ZC3H13: variants seen among roughly 807,000 people sequenced by gnomAD.
ZC3H13 encodes the protein zinc finger CCCH domain-containing protein 13.
A neutral mutation model predicts 204.1 loss-of-function variants in ZC3H13; 64 were observed. That is an observed-to-expected ratio of 0.31 (90% confidence interval 0.26 to 0.39). The LOEUF (loss-of-function observed/expected upper bound fraction) is 0.39. Among genes scored for constraint, ZC3H13 ranks in the 10% least tolerant of loss-of-function variants. ZC3H13 has a pLI of 1.00. For synonymous variants in ZC3H13, 667 were observed against 693.7 expected, an observed-to-expected ratio of 0.96 and a Z score of 0.60; for missense variants, 1,833 against 2,082.7, an observed-to-expected ratio of 0.88 and a Z score of 2.33.
At chr13:46,035,108 T>A (rs1364163927) in intron 4 of ZC3H13, among the ~76,000 whole-genome samples, 1 of 152,106 alleles carries the variant, frequency 6.6e-6, no homozygotes, top group Non-Finnish European at 1.5e-5. Context: ...TGTGCATGTG[T>A]CTCAGAATAC....
In ZC3H13 at chr13:45,963,716, A is replaced by C. The variant is rs1951858283; in HGVS notation, c.4675+126T>G. ...CCATGAGGGTTAAATAATGATTATA[A>C]AATGATTTCTCAAAAAATAGTTTCT... On this transcript the variant is annotated intron_variant, in intron 17 of 18. Transcript: ENST00000679008. 29 of 1,500,054 alleles carry C rather than the reference A, an allele frequency of 1.9e-5. No individual in the cohort carries two copies. In the South Asian group the frequency reaches 4.1e-4, roughly 21 times the overall value. 92.9% of individuals were successfully genotyped at this position (1,500,054 alleles called of 1,614,324 possible).
rs763114166 is a variant in ZC3H13 at position 45,965,438 on chromosome 13, T to C, written c.4322-6A>G. On this transcript the variant is annotated splice_region_variant and splice_polypyrimidine_tract_variant and intron_variant, in intron 15 of 18. Coordinates refer to ENST00000679008, the MANE Select transcript of ZC3H13 (RefSeq NM_001330564.2). ...CTTGGACTCGTCATCTCCTGCTAAA[T>C]AGACAAATTAATTTCAGATCAAAGA... 6 of 1,610,836 alleles carry C rather than the reference T, an allele frequency of 3.7e-6. No homozygotes were observed. Among genetic ancestry groups the C allele is most frequent in the South Asian group, 2.2e-5 (2 of 90,404 alleles).
chr13:46,049,208 C>CT (rs1409848442), intron 1 of ZC3H13, among the ~76,000 whole-genome samples: 2 of 149,798 alleles, frequency 1.3e-5, no homozygotes, highest in African/African-American at 4.9e-5. Context: ...GAGTACCATA[C>CT]TTTGTCCTAA....
chr13:46,040,687 G>C (rs772659162), intron 4 of ZC3H13, among the ~76,000 whole-genome samples: 3 of 152,060 alleles, frequency 2.0e-5, no homozygotes, highest in Non-Finnish European at 2.9e-5. Context: ...TGGGAGAAAA[G>C]ATCTGCAAGT....
Position 46,048,686 on chromosome 13 carries a change from C to T in ZC3H13, c.-9-3170G>A, listed in dbSNP as rs933877258. Among the ~76,000 whole-genome samples the T allele has an allele frequency of 5.3e-5, 8 of 151,982 alleles. No homozygotes were observed. The East Asian group carries it at 1.4e-3, about 26-fold the overall frequency. ...TGATCCACCTCCTCACCTCCCTCAC[C>T]CTACGCCCATATTCTTTCCACAGAG... On this transcript the variant is annotated intron_variant, in intron 1 of 18. Coordinates refer to ENST00000679008, the MANE Select transcript of ZC3H13 (RefSeq NM_001330564.2).
chr13:46,004,450 G>A (rs2040984427), intron 7 of ZC3H13, among the ~76,000 whole-genome samples: 1 of 152,130 alleles, frequency 6.6e-6, no homozygotes. Context: ...TGAGGCAGGA[G>A]AATCACTTGA....
intron 13 of ZC3H13, among the ~76,000 whole-genome samples, 160 bp from the exon 14 acceptor site, chr13:45,970,131 T>C (rs1336513196): frequency 6.6e-6 from 1 of 152,134 alleles, no homozygotes; most frequent in Non-Finnish European, 1.5e-5. Context: ...ATTTAAAAAC[T>C]TTTAAAATGA....
rs770837359 is a variant in ZC3H13, at chr13:46,003,187, T to C, written c.896A>G (p.Asp299Gly). The C allele has an allele frequency of 3.7e-6, 6 of 1,612,908 alleles. No homozygotes were observed. The highest frequency in any genetic ancestry group is 5.1e-6 in the Non-Finnish European group (6 of 1,179,826). Residue 299 changes from aspartate to glycine, a missense_variant, in exon 8 of 19, where the codon GAC becomes GGC. Transcript: ENST00000679008. ...TTGTCGTTCAAAATCTCGTCCTCTG[T>C]CCTTTCCATCTCTTGTTTTTTCTTC... ...RIEEKTRDGK[D>G]RGRDFERQRE...
intron 4 of ZC3H13, among the ~76,000 whole-genome samples, chr13:46,036,877 C>T (rs2043242525): frequency 6.6e-6 from 1 of 152,082 alleles, no homozygotes; most frequent in African/African-American, 2.4e-5. Context: ...AGCCACCACA[C>T]CTGGCTAATT....
At chr13:46,007,198 A>C (rs2041217993) in intron 7 of ZC3H13, among the ~76,000 whole-genome samples, 2 of 152,060 alleles carry the variant, frequency 1.3e-5, no homozygotes, top group African/African-American at 2.4e-5. Flanking sequence ...AAACCATACT[A>C]TCTACACTTT....
intron 1 of ZC3H13, among the ~76,000 whole-genome samples, chr13:46,047,623 A>C (rs2044064345): frequency 6.6e-6 from 1 of 152,022 alleles, no homozygotes; most frequent in Non-Finnish European, 1.5e-5. Flanking sequence ...AGCTAAGAGA[A>C]GTGGAGCTGA....
chr13:46,026,276 G>A (rs2138901026), intron 4 of ZC3H13, among the ~76,000 whole-genome samples: 1 of 152,100 alleles, frequency 6.6e-6, no homozygotes, highest in African/African-American at 2.4e-5. Context: ...GAATTAAAAT[G>A]AAAAAGAAAT....
chr13:46,045,174 A>T, intron 2 of ZC3H13, 110 bp from the exon 3 acceptor site: 1 of 1,046,008 alleles, frequency 9.6e-7, no homozygotes, highest in Non-Finnish European at 1.4e-6. Flanking sequence ...AACCTGTGAT[A>T]TATTACTCCC....
At chr13:46,031,482 A>C (rs2042893778) in intron 4 of ZC3H13, among the ~76,000 whole-genome samples, 2 of 152,166 alleles carry the variant, frequency 1.3e-5, no homozygotes, top group East Asian at 1.9e-4. Context: ...TATTAAAAAA[A>C]CCATCAAAAT....
intron 12 of ZC3H13, among the ~76,000 whole-genome samples, chr13:45,971,015 T>C (rs958799350): frequency 4.6e-5 from 7 of 152,166 alleles, no homozygotes; most frequent in Non-Finnish European, 7.3e-5. Context: ...TGAGAGTCCA[T>C]TTCATAAAAT....
chr13:45,983,700 T>G (rs976908839), intron 10 of ZC3H13, among the ~76,000 whole-genome samples: 1 of 151,752 alleles, frequency 6.6e-6, no homozygotes, highest in Non-Finnish European at 1.5e-5. Flanking sequence ...GTGCTGGGAT[T>G]ACAGGCGTGA....
At chr13:46,045,181 T>C (rs3736944) in intron 2 of ZC3H13, 117 bp from the exon 3 acceptor site, 686,955 of 927,984 alleles carry the variant, frequency 0.74, 256,853 homozygotes, top group African/African-American at 0.86. Flanking sequence ...GATATATTAC[T>C]CCCCAAATAA....
Position 46,051,060 on chromosome 13 carries a change from T to C in ZC3H13, c.-10+1344A>G, listed in dbSNP as rs919662541. The stretch of plus-strand genomic sequence containing the variant: ...ATCCACTGAAAACCAACTCTCTAAG[T>C]AAATTTAAGTTAAACAATGTGTTTC... On this transcript the variant is annotated intron_variant, in intron 1 of 18. Coordinates refer to ENST00000679008, the MANE Select transcript of ZC3H13 (RefSeq NM_001330564.2). Among the ~76,000 whole-genome samples the C allele has an allele frequency of 2.6e-5, 4 of 152,150 alleles. No individual in the cohort carries two copies. The East Asian group carries it at 5.8e-4, about 22-fold the overall frequency.
At chr13:46,014,566 A>C (rs1319944054) in intron 5 of ZC3H13, among the ~76,000 whole-genome samples, 1 of 152,206 alleles carries the variant, frequency 6.6e-6, no homozygotes, top group Non-Finnish European at 1.5e-5. Flanking sequence ...TATGTGTATC[A>C]GTTTTTAACC....
Sources: gnomAD v4.1 joint callset for allele counts (sites outside exome capture counted in the v4.1 genomes callset) on GRCh38, gnomAD v4.1.1 for gene constraint, MANE v1.5 for transcripts, NCBI Gene and HGNC (gene_info 2026-07-23, HGNC 2026-07-21) for gene names.